Variants in VPS37B observed in about 807,000 individuals in gnomAD.
VPS37B encodes VPS37B subunit of ESCRT-I, also known as vacuolar protein sorting-associated protein 37B.
A neutral mutation model predicts 21.2 loss-of-function variants in VPS37B; 11 were observed. The observed-to-expected ratio is 0.52, with a 90% CI of 0.33 to 0.86. VPS37B has a LOEUF of 0.86. Among genes scored for constraint, VPS37B ranks in the 40% least tolerant of loss-of-function variants. The probability of loss-of-function intolerance (pLI) is 0.03; values close to 1 mark genes in which losing one functional copy is unlikely to be tolerated. For synonymous variants in VPS37B, 175 were observed against 159.6 expected (o/e 1.10, Z -0.73); for missense variants, 389 against 374.8 (o/e 1.04, Z -0.31).
rs967977872 is a variant in VPS37B, at chr12:122,872,286, A to C, written c.112-1225T>G. On this transcript the variant is annotated intron_variant, in intron 1 of 3. Coordinates refer to ENST00000267202, the MANE Select transcript of VPS37B (RefSeq NM_024667.3). ...AAGAAGCCCTTGGATCCATGCCTCA[A>C]TCAGGAGATCCCTAACCCCAGCAGG... is the stretch of plus-strand genomic sequence containing the variant. The C allele has an allele frequency of 5.1e-6, 5 of 985,364 alleles. No homozygotes were observed. In the African/African-American group the frequency reaches 8.7e-5, roughly 17 times the overall value. 61.0% of individuals were successfully genotyped at this position (985,364 alleles called of 1,614,324 possible).
intron 2 of VPS37B, chr12:122,870,231 A>T (rs932537280): frequency 6.6e-6 from 1 of 152,152 alleles, no homozygotes; most frequent in Admixed American, 6.5e-5. Flanking sequence ...GCTTCCTCCT[A>T]ATCTCCAGCC....
In VPS37B at chr12:122,868,139, T is replaced by C. The variant is rs747538400; in HGVS notation, c.366+341A>G. ...GAGGCTCAAGGCTCTAATGCGCAGC[T>C]GGACGTGTCCCAGAAGCTCTGTAGC... On this transcript the variant is annotated intron_variant, in intron 3 of 3. Transcript: ENST00000267202. The surrounding 1 kb of genome is among the most constrained non-coding windows in gnomAD (Gnocchi z 5.5). Among the ~76,000 whole-genome samples the C allele has an allele frequency of 1.4e-4, 22 of 152,238 alleles. No individual in the cohort carries two copies. Among genetic ancestry groups the C allele is most frequent in the Non-Finnish European group, 3.1e-4 (21 of 68,036 alleles).
rs1234574783 is a variant in VPS37B at position 122,867,421 on chromosome 12, G to A, written c.553C>T (p.Pro185Ser). Residue 185 changes from proline to serine, a missense_variant, in exon 4 of 4, where the codon CCT becomes TCT. Coordinates refer to ENST00000267202, the MANE Select transcript of VPS37B (RefSeq NM_024667.3). The surrounding 1 kb of genome is among the most constrained non-coding windows in gnomAD (Gnocchi z 5.5). The part of the protein sequence containing the change: ...PLPPRLPELA[P>S]TAPLPYPAPE... ...GCAGGGTAGGGAAGGGGGGCGGTAG[G>A]TGCCAGTTCGGGCAGCCTGGGGGGC... 10 of 1,608,388 alleles carry A rather than the reference G, an allele frequency of 6.2e-6. No individual in the cohort carries two copies. Among genetic ancestry groups the A allele is most frequent in the African/African-American group, 2.7e-5 (2 of 73,910 alleles).
rs1593904021 is a variant in VPS37B at position 122,868,201 on chromosome 12, A to T, written c.366+279T>A. ...TGGCCCTTGAACGACGGCACGTGGT[A>T]ATCCGCCACTGGCCCCAGGGGCCGG... is the stretch of plus-strand genomic sequence containing the variant. On this transcript the variant is annotated intron_variant, in intron 3 of 3. Transcript: ENST00000267202. This position sits in a 1 kb window ranked among gnomAD's most constrained non-coding sequence, Gnocchi z 5.5. Among the ~76,000 whole-genome samples the T allele has an allele frequency of 6.6e-6, 1 of 152,336 alleles. No individual in the cohort carries two copies. Among genetic ancestry groups the T allele is most frequent in the Non-Finnish European group, 1.5e-5 (1 of 68,018 alleles).
At chr12:122,882,710 A>C (rs2034263310) in intron 1 of VPS37B, 3 of 152,244 alleles carry the variant, frequency 2.0e-5, no homozygotes, top group Admixed American at 2.0e-4. Flanking sequence ...ATTTCACCAA[A>C]GTAACATGCA....
chr12:122,891,632 A>T (rs530317774), intron 1 of VPS37B, among the ~76,000 whole-genome samples: 45 of 152,370 alleles, frequency 3.0e-4, no homozygotes, highest in Non-Finnish European at 5.6e-4. Context: ...TAAAACATGG[A>T]TAAAAACAAA....
chr12:122,865,782 G>C lies in VPS37B; in HGVS notation c.*1334C>G, dbSNP rs970415268. Reference sequence around the variant, plus strand: ...GGATGCCCGACAAGTGACAGGGGAGGGGCGGGCCAGAAGGTCCACTGGTAA... The same window carrying C: ...GGATGCCCGACAAGTGACAGGGGAGCGGCGGGCCAGAAGGTCCACTGGTAA... On this transcript the variant is annotated 3_prime_UTR_variant, in exon 4 of 4. Coordinates refer to ENST00000267202, the MANE Select transcript of VPS37B (RefSeq NM_024667.3). 4.6e-5 allele frequency: 7 copies of C among 152,420 alleles called. No homozygotes were observed. The highest frequency in any genetic ancestry group is 1.0e-4 in the Non-Finnish European group (7 of 68,076). The allele number at this position is 152,420 out of a possible 1,614,324, so 9.4% of individuals were successfully genotyped here.
intron 1 of VPS37B, chr12:122,885,364 T>C (rs2034305553): frequency 6.6e-6 from 1 of 152,016 alleles, no homozygotes; most frequent in South Asian, 2.1e-4. Context: ...TGCCTAAATA[T>C]CCAATAAAGG....
rs1294263672 is a variant in VPS37B, at chr12:122,867,664, C to A, written c.367-57G>T. The A allele has an allele frequency of 6.3e-7, 1 of 1,599,810 alleles. No individual in the cohort carries two copies. Among genetic ancestry groups the A allele is most frequent in the African/African-American group, 1.3e-5 (1 of 74,746 alleles). On this transcript the variant is annotated intron_variant, in intron 3 of 3. Coordinates refer to ENST00000267202, the MANE Select transcript of VPS37B (RefSeq NM_024667.3). The surrounding 1 kb of genome is among the most constrained non-coding windows in gnomAD (Gnocchi z 5.5). ...AGCCAGATGGGGAGGATGCTCCCTT[C>A]GTGGTCTAGGCACAAGGAGAGGCAA...
chr12:122,883,309 T>A (rs2034275557), intron 1 of VPS37B: 1 of 152,194 alleles, frequency 6.6e-6, no homozygotes, highest in Admixed American at 6.5e-5. Context: ...GTAGCTGACG[T>A]GAATCTAAAA....
At chr12:122,871,323 A>G in intron 1 of VPS37B, 2 of 1,195,200 alleles carry the variant, frequency 1.7e-6, no homozygotes, top group Non-Finnish European at 2.1e-6. Flanking sequence ...GACTCCATGC[A>G]GAGCCTTCCC....
chr12:122,887,287 G>C (rs529606430), intron 1 of VPS37B: 2 of 152,040 alleles, frequency 1.3e-5, no homozygotes, highest in Admixed American at 1.3e-4. Context: ...CATAAATGGC[G>C]AGTGTGACCA....
In VPS37B at chr12:122,867,409, G is replaced by A. The variant is rs772243790; in HGVS notation, c.565C>T (p.Leu189Phe). Residue 189 changes from leucine to phenylalanine, a missense_variant, in exon 4 of 4, where the codon CTT (leucine) becomes TTT (phenylalanine). Coordinates refer to ENST00000267202, the MANE Select transcript of VPS37B (RefSeq NM_024667.3). This position sits in a 1 kb window ranked among gnomAD's most constrained non-coding sequence, Gnocchi z 5.5. ...RLPELAPTAPLPYPAPEASGP... is the reference protein window; with the variant it reads ...RLPELAPTAPFPYPAPEASGP... The stretch of plus-strand genomic sequence containing the variant: ...CTGGCCTCTGGGGCAGGGTAGGGAA[G>A]GGGGGCGGTAGGTGCCAGTTCGGGC... 3 of 1,608,560 alleles carry A rather than the reference G, an allele frequency of 1.9e-6. No homozygotes were observed. Among genetic ancestry groups the A allele is most frequent in the Admixed American group, 1.7e-5 (1 of 59,884 alleles).
chr12:122,870,782 C>G (rs1011101816), intron 2 of VPS37B, 108 bp downstream of exon 2: 7 of 1,227,410 alleles, frequency 5.7e-6, no homozygotes, highest in African/African-American at 4.6e-5. Flanking sequence ...GAGTCGCTAT[C>G]TTAACCTGAA....
chr12:122,893,855 A>C (rs2135714988), intron 1 of VPS37B, among the ~76,000 whole-genome samples: 1 of 151,482 alleles, frequency 6.6e-6, no homozygotes, highest in East Asian at 1.9e-4. Context: ...AAATCCTGCC[A>C]GATGAATTTA....
chr12:122,879,661 TAGAAC>T (rs1168364180), intron 1 of VPS37B: 1 of 152,272 alleles, frequency 6.6e-6, no homozygotes, highest in African/African-American at 2.4e-5. Flanking sequence ...CTGAAATAGT[TAGAAC>T]AGTTTACCCC....
At chr12:122,893,059 C>CAA (rs11429369) in intron 1 of VPS37B, among the ~76,000 whole-genome samples, 4,398 of 138,986 alleles carry the variant, frequency 0.032, 131 homozygotes, top group African/African-American at 0.08. Context: ...GATCCTTTCT[C>CAA]AAAAAAAAAA....
At position 122,870,912 on chromosome 12, in the gene VPS37B, A is replaced by G. The variant is rs1328511657; in HGVS notation, c.261T>C (p.Tyr87=). 2.5e-6 allele frequency: 4 copies of G among 1,613,960 alleles called. No homozygotes were observed. The highest frequency in any genetic ancestry group is 3.4e-6 in the Non-Finnish European group (4 of 1,179,954). Residue 87 remains tyrosine, a synonymous_variant, in exon 2 of 4, where the codon TAT becomes TAC. Coordinates refer to ENST00000267202, the MANE Select transcript of VPS37B (RefSeq NM_024667.3). Reference sequence around the variant, plus strand: ...TACCTAATTTGGTCTTCTTTATCTGATAGGCTTCAAAGAGAACCTGGAGTT... The same window carrying G: ...TACCTAATTTGGTCTTCTTTATCTGGTAGGCTTCAAAGAGAACCTGGAGTT... ...YQELQVLFEA[Y]QIKKTKLDRQ... is the part of the protein sequence containing the mutation.
intron 2 of VPS37B, chr12:122,870,187 T>G (rs1355733012): frequency 6.6e-6 from 1 of 152,204 alleles, no homozygotes; most frequent in African/African-American, 2.4e-5. Context: ...TGGTTAAGTC[T>G]CCTCTTCTAA....
Sources: allele counts gnomAD v4.1 joint callset (sites outside exome capture counted in the v4.1 genomes callset), GRCh38; gene constraint gnomAD v4.1.1; non-coding constraint Gnocchi (gnomAD v3.1); transcripts MANE v1.5; gene names NCBI Gene and HGNC (gene_info 2026-07-23, HGNC 2026-07-21).